Variants in CNGB3 observed in about 807,000 individuals in gnomAD.
CNGB3 encodes cyclic nucleotide-gated channel beta-3.
A neutral mutation model predicts 92.8 loss-of-function variants in CNGB3; 86 were observed. That is an observed-to-expected ratio of 0.93 (90% confidence interval 0.78 to 1.11). CNGB3 has a LOEUF of 1.11. Among genes scored for constraint, CNGB3 ranks in the 50% least tolerant of loss-of-function variants. CNGB3 has a pLI of 0.00. For missense variants in CNGB3, 1,026 were observed against 956.8 expected (o/e 1.07, Z -0.95); for synonymous variants, 333 against 332.7 (o/e 1.00, Z -0.01).
intron 3 of CNGB3, among the ~76,000 whole-genome samples, chr8:86,679,331 G>A (rs1182435125): frequency 6.6e-6 from 1 of 151,592 alleles, no homozygotes; most frequent in Non-Finnish European, 1.5e-5. Context: ...TATTTAAAAC[G>A]TGTTTCATTA....
chr8:86,644,209 A>G (rs1017500404), intron 9 of CNGB3, among the ~76,000 whole-genome samples: 2 of 151,456 alleles, frequency 1.3e-5, no homozygotes, highest in African/African-American at 4.8e-5. Flanking sequence ...TTAACTGGAT[A>G]TCTCTGAAAA....
At chr8:86,702,166 G>A (rs1339586681) in intron 3 of CNGB3, among the ~76,000 whole-genome samples, 1 of 152,168 alleles carries the variant, frequency 6.6e-6, no homozygotes, top group African/African-American at 2.4e-5. Flanking sequence ...GAGGCAAACA[G>A]ATGAAGCTGT....
At chr8:86,699,179 T>C (rs1824505868) in intron 3 of CNGB3, among the ~76,000 whole-genome samples, 1 of 152,192 alleles carries the variant, frequency 6.6e-6, no homozygotes, top group Admixed American at 6.5e-5. Context: ...GTTTTCAAGA[T>C]CCTTACAATT....
At chr8:86,634,538 A>G (rs895225059) in intron 10 of CNGB3, among the ~76,000 whole-genome samples, 4 of 152,062 alleles carry the variant, frequency 2.6e-5, no homozygotes, top group African/African-American at 9.7e-5. Flanking sequence ...CATAGCTCTG[A>G]TAACTTGGTC....
chr8:86,640,118 T>G (rs1305981080), intron 10 of CNGB3, among the ~76,000 whole-genome samples: 1 of 152,122 alleles, frequency 6.6e-6, no homozygotes, highest in Non-Finnish European at 1.5e-5. Context: ...TGTTTCTGGT[T>G]ACTTGACCTG....
At chr8:86,604,302 A>C in intron 14 of CNGB3, 91 bp from the exon 15 acceptor site, 2 of 824,824 alleles carry the variant, frequency 2.4e-6, no homozygotes, top group Non-Finnish European at 4.0e-6. Context: ...TTAGAGGAGT[A>C]AATATAAATG....
intron 13 of CNGB3, among the ~76,000 whole-genome samples, chr8:86,612,841 C>G (rs1822547285): frequency 6.6e-6 from 1 of 152,128 alleles, no homozygotes; most frequent in Non-Finnish European, 1.5e-5. Context: ...TACAGTCTAA[C>G]AAATACTGAT....
chr8:86,678,958 C>G (rs1266533432), intron 3 of CNGB3, among the ~76,000 whole-genome samples: 2 of 152,012 alleles, frequency 1.3e-5, no homozygotes, highest in Non-Finnish European at 2.9e-5. Context: ...TTTAAAATTC[C>G]TCAATGGCTT....
At chr8:86,637,838 G>A (rs747962743) in intron 10 of CNGB3, among the ~76,000 whole-genome samples, 1 of 152,038 alleles carries the variant, frequency 6.6e-6, no homozygotes, top group Admixed American at 6.6e-5. Context: ...ATAGAGCCTT[G>A]CCATCACTTT....
chr8:86,612,209 T>C (rs1822534783), intron 13 of CNGB3, among the ~76,000 whole-genome samples: 1 of 152,082 alleles, frequency 6.6e-6, no homozygotes, highest in Admixed American at 6.6e-5. Context: ...ACACAATAGA[T>C]ACAAAAGCAA....
At chr8:86,624,875 G>T (rs1285617286) in intron 13 of CNGB3, among the ~76,000 whole-genome samples, 2 of 152,158 alleles carry the variant, frequency 1.3e-5, no homozygotes, top group African/African-American at 4.8e-5. Flanking sequence ...GATTTCCTAT[G>T]AATGGTTCAG....
intron 3 of CNGB3, among the ~76,000 whole-genome samples, chr8:86,680,595 G>A (rs1824063920): frequency 6.6e-6 from 1 of 152,188 alleles, no homozygotes; most frequent in African/African-American, 2.4e-5. Flanking sequence ...TCCTCTAGGT[G>A]GTGAGAGGGA....
chr8:86,713,694 A>G (rs1209471284), intron 3 of CNGB3, among the ~76,000 whole-genome samples: 1 of 152,230 alleles, frequency 6.6e-6, no homozygotes, highest in Non-Finnish European at 1.5e-5. Flanking sequence ...ATATAAGTTT[A>G]GTATTTGGAG....
chr8:86,677,691 G>A (rs568674528), intron 3 of CNGB3, among the ~76,000 whole-genome samples: 1 of 152,282 alleles, frequency 6.6e-6, no homozygotes, highest in South Asian at 2.1e-4. Flanking sequence ...AAAAATCAGG[G>A]AAGGTAAGAG....
chr8:86,637,671 C>T (rs1388623516), intron 10 of CNGB3, among the ~76,000 whole-genome samples: 1 of 152,092 alleles, frequency 6.6e-6, no homozygotes, highest in Non-Finnish European at 1.5e-5. Context: ...TCTCACACCC[C>T]TTTGGTTAAG....
chr8:86,665,865 C>T (rs1471884945), intron 6 of CNGB3, among the ~76,000 whole-genome samples: 3 of 152,108 alleles, frequency 2.0e-5, no homozygotes, highest in African/African-American at 7.2e-5. Flanking sequence ...GGTAACAAAC[C>T]TGTATGTGTA....
chr8:86,679,875 T>C (rs760431239), intron 3 of CNGB3, among the ~76,000 whole-genome samples: 8 of 152,170 alleles, frequency 5.3e-5, no homozygotes, highest in African/African-American at 1.4e-4. Context: ...GAGCACTTTC[T>C]TTCATCTCAT....
chr8:86,615,614 T>C (rs1186770351), intron 13 of CNGB3, among the ~76,000 whole-genome samples: 4 of 151,952 alleles, frequency 2.6e-5, no homozygotes, highest in African/African-American at 7.2e-5. Flanking sequence ...AAAAAATAAA[T>C]TAATTGACTA....
chr8:86,593,475 G>GT (rs1011300554), intron 15 of CNGB3, among the ~76,000 whole-genome samples: 8 of 152,060 alleles, frequency 5.3e-5, no homozygotes, highest in Admixed American at 3.3e-4. Context: ...TAGTTTTAAA[G>GT]TTTTTTTTAA....
Sources: gnomAD v4.1 joint callset for allele counts (sites outside exome capture counted in the v4.1 genomes callset) on GRCh38, gnomAD v4.1.1 for gene constraint, MANE v1.5 for transcripts, NCBI Gene and HGNC (gene_info 2026-07-23, HGNC 2026-07-21) for gene names.